STEAP1B: variants seen among roughly 807,000 people sequenced by gnomAD.
STEAP1B encodes STEAP family protein MGC87042.
In STEAP1B, 13 loss-of-function variants were observed where a neutral mutation model predicts 27.9. The observed-to-expected ratio is 0.47, with a 90% CI of 0.30 to 0.74. The LOEUF is 0.74. Ranked by LOEUF, STEAP1B falls within the 30% of genes least tolerant of loss-of-function variation. The pLI, the probability that STEAP1B is intolerant of heterozygous loss-of-function variation, is 0.06. For synonymous variants in STEAP1B, 86 were observed against 107.1 expected (o/e 0.80, Z 1.22); for missense variants, 250 against 298.7 (o/e 0.84, Z 1.20).
chr7:22,429,130 G>T (rs138691842), intron 4 of STEAP1B, among the ~76,000 whole-genome samples: 4,211 of 152,192 alleles, frequency 0.028, 96 homozygotes, highest in Admixed American at 0.05. Context: ...ATTATCCAGG[G>T]CACTGAAGGT....
intron 4 of STEAP1B, among the ~76,000 whole-genome samples, chr7:22,452,034 G>A (rs1203485434): frequency 1.3e-5 from 2 of 152,128 alleles, no homozygotes; most frequent in African/African-American, 4.8e-5. Context: ...TCTTCACTGG[G>A]ATTCATTAGT....
chr7:22,431,090 T>G (rs1486469244), intron 4 of STEAP1B, among the ~76,000 whole-genome samples: 1 of 152,214 alleles, frequency 6.6e-6, no homozygotes, highest in Non-Finnish European at 1.5e-5. Flanking sequence ...AAGATGTTTT[T>G]GGCTACAAGT....
chr7:22,462,959 G>C (rs1785705572), intron 4 of STEAP1B, among the ~76,000 whole-genome samples: 1 of 152,162 alleles, frequency 6.6e-6, no homozygotes, highest in Non-Finnish European at 1.5e-5. Context: ...TTGCGGTTTT[G>C]ATTTGCATTT....
chr7:22,430,430 G>C (rs1421514044), intron 4 of STEAP1B, among the ~76,000 whole-genome samples: 1 of 152,198 alleles, frequency 6.6e-6, no homozygotes, highest in Non-Finnish European at 1.5e-5. Flanking sequence ...TCTTACGACT[G>C]AGGCAAGGAA....
At chr7:22,457,012 T>C (rs1213916787) in intron 4 of STEAP1B, among the ~76,000 whole-genome samples, 2 of 142,756 alleles carry the variant, frequency 1.4e-5, no homozygotes, top group African/African-American at 2.6e-5. Context: ...TTCTGATGCA[T>C]GACAAACATC....
intron 4 of STEAP1B, among the ~76,000 whole-genome samples, chr7:22,436,428 T>A (rs1785255180): frequency 6.6e-6 from 1 of 152,118 alleles, no homozygotes; most frequent in Non-Finnish European, 1.5e-5. Context: ...TTTTTAAATT[T>A]AAGTTCACGG....
chr7:22,426,236 C>T (rs529144484), intron 4 of STEAP1B, among the ~76,000 whole-genome samples: 20 of 152,238 alleles, frequency 1.3e-4, no homozygotes, highest in African/African-American at 4.8e-4. Flanking sequence ...AGTAGTTTGG[C>T]AAACCAGATC....
chr7:22,479,651 C>T lies in STEAP1B; in HGVS notation c.762+12914G>A, dbSNP rs184254103. Reference sequence around the variant, plus strand: ...TCTCTCCCCCTAGAGTGGCGTTGTGCAAGACAGTAGCCACTAGTCATGTGT... The same window carrying T: ...TCTCTCCCCCTAGAGTGGCGTTGTGTAAGACAGTAGCCACTAGTCATGTGT... On this transcript the variant is annotated intron_variant, in intron 4 of 4. Coordinates refer to ENST00000678116, the MANE Select transcript of STEAP1B (RefSeq NM_001382447.1). Among the ~76,000 whole-genome samples the T allele has an allele frequency of 2.6e-3, 383 of 146,356 alleles. 1 individual carries two copies. Among genetic ancestry groups the T allele is most frequent in the African/African-American group, 8.7e-3 (342 of 39,236 alleles).
chr7:22,496,566 T>C lies in STEAP1B; in HGVS notation c.-31-1680A>G, dbSNP rs553373272. 1.1e-3 allele frequency among the ~76,000 whole-genome samples: 174 copies of C among 152,368 alleles called. 3 individuals carry two copies. In the South Asian group the frequency reaches 0.035, roughly 31 times the overall value. ...ACAATTTTTTATCTTTTATACGATA[T>C]ATGTATGTTTACTATACCTTTTCTA... On this transcript the variant is annotated intron_variant, in intron 1 of 4. Transcript: ENST00000678116.
chr7:22,489,180 T>C (rs975234251), intron 4 of STEAP1B, among the ~76,000 whole-genome samples: 4 of 152,194 alleles, frequency 2.6e-5, no homozygotes, highest in Admixed American at 6.5e-5. Flanking sequence ...TGTCCTCCTA[T>C]TGATTGTTTT....
intron 4 of STEAP1B, among the ~76,000 whole-genome samples, chr7:22,465,565 G>A (rs1785763351): frequency 6.6e-6 from 1 of 151,904 alleles, no homozygotes; most frequent in South Asian, 2.1e-4. Context: ...AATTTCTTTT[G>A]TTATTGTTAT....
rs116345995 is a variant in STEAP1B, at chr7:22,433,938, G to A, written c.763-14102C>T. Among the ~76,000 whole-genome samples, 691 of 152,274 alleles carry A rather than the reference G, an allele frequency of 4.5e-3. 5 individuals are homozygous for A. The highest frequency in any genetic ancestry group is 0.016 in the African/African-American group (646 of 41,552). ...TGCAGGTTCACAACAGTGTTATGGC[G>A]GGAGCAGGGAGGCACCTACATCCAT... On this transcript the variant is annotated intron_variant, in intron 4 of 4. Transcript: ENST00000678116.
chr7:22,434,071 C>T (rs1785224108), intron 4 of STEAP1B, among the ~76,000 whole-genome samples: 1 of 152,202 alleles, frequency 6.6e-6, no homozygotes, highest in Non-Finnish European at 1.5e-5. Flanking sequence ...ACAAGGGTCA[C>T]CGGTTACTCT....
At chr7:22,445,747 G>A (rs1785400252) in intron 4 of STEAP1B, among the ~76,000 whole-genome samples, 1 of 152,218 alleles carries the variant, frequency 6.6e-6, no homozygotes, top group Non-Finnish European at 1.5e-5. Context: ...TAAACTCAAA[G>A]TCAGAGCTAT....
intron 4 of STEAP1B, among the ~76,000 whole-genome samples, chr7:22,489,715 T>TC (rs1252671596): frequency 2.0e-5 from 3 of 152,220 alleles, no homozygotes; most frequent in African/African-American, 4.8e-5. Context: ...GAACAGGCTC[T>TC]CCCTCACAGC....
intron 4 of STEAP1B, among the ~76,000 whole-genome samples, chr7:22,482,854 T>G (rs1786107038): frequency 6.6e-6 from 1 of 152,176 alleles, no homozygotes; most frequent in African/African-American, 2.4e-5. Flanking sequence ...AGGCCTTTCA[T>G]AAGTCAACAG....
intron 4 of STEAP1B, among the ~76,000 whole-genome samples, chr7:22,452,939 C>A (rs749430928): frequency 1.3e-5 from 2 of 152,116 alleles, no homozygotes; most frequent in Non-Finnish European, 2.9e-5. Context: ...TCCTTTGAAT[C>A]CTGCCCAAGA....
rs186236042 is a variant in STEAP1B, at chr7:22,420,355, A to G, written c.763-519T>C. Reference sequence around the variant, plus strand: ...GGGGATGATAAAGCACTCAGCCCATATCCTCAATCCATGGTGTTCTCCCTT... The same window carrying G: ...GGGGATGATAAAGCACTCAGCCCATGTCCTCAATCCATGGTGTTCTCCCTT... On this transcript the variant is annotated intron_variant, in intron 4 of 4. Coordinates refer to ENST00000678116, the MANE Select transcript of STEAP1B (RefSeq NM_001382447.1). 1.6e-3 allele frequency among the ~76,000 whole-genome samples: 237 copies of G among 152,302 alleles called. 1 individual carries two copies. Among genetic ancestry groups the G allele is most frequent in the African/African-American group, 5.4e-3 (226 of 41,554 alleles).
At chr7:22,491,661 G>A (rs993237272) in intron 4 of STEAP1B, among the ~76,000 whole-genome samples, 1 of 152,184 alleles carries the variant, frequency 6.6e-6, no homozygotes, top group Non-Finnish European at 1.5e-5. Flanking sequence ...TAGGAAGAAA[G>A]TGAGTAAATT....
Sources: allele counts gnomAD v4.1 joint callset (sites outside exome capture counted in the v4.1 genomes callset), GRCh38; gene constraint gnomAD v4.1.1; transcripts MANE v1.5; gene names NCBI Gene and HGNC (gene_info 2026-07-23, HGNC 2026-07-21).